The following PHACTR4 variants were observed in gnomAD, a reference collection of about 807,000 sequenced individuals.
PHACTR4 encodes phosphatase and actin regulator 4.
In PHACTR4, 51 loss-of-function variants were observed where a neutral mutation model predicts 72.7. The ratio of observed to expected loss-of-function variants is 0.70; its 90% CI spans 0.56 to 0.89. The LOEUF (loss-of-function observed/expected upper bound fraction) is 0.89, where lower values mean the gene tolerates loss of function less well. Ranked by LOEUF, PHACTR4 falls within the 40% of genes least tolerant of loss-of-function variation. The probability of loss-of-function intolerance (pLI) is 0.00; values close to 1 mark genes in which losing one functional copy is unlikely to be tolerated. For missense variants in PHACTR4, 731 were observed against 861.8 expected, an observed-to-expected ratio of 0.85 and a Z score of 1.90; for synonymous variants, 255 against 302.5, an observed-to-expected ratio of 0.84 and a Z score of 1.63.
At chr1:28,424,571 C>T (rs1034309413) in intron 2 of PHACTR4, among the ~76,000 whole-genome samples, 3 of 152,174 alleles carry the variant, frequency 2.0e-5, no homozygotes, top group African/African-American at 7.2e-5. Context: ...TCACTGCAAC[C>T]TCCGCCTCCT....
At chr1:28,409,000 A>G (rs975245344) in intron 2 of PHACTR4, among the ~76,000 whole-genome samples, 1 of 152,024 alleles carries the variant, frequency 6.6e-6, no homozygotes, top group Non-Finnish European at 1.5e-5. Context: ...AATTAAGTTT[A>G]GCCTGTGTAT....
In PHACTR4 at chr1:28,476,215, AGAG is replaced by A; in HGVS notation, c.1531_1533del (p.Glu511del). The stretch of plus-strand genomic sequence containing the variant: ...TACCACAGTGTCTACGGGAGGAAGA[AGAG>A]AAGGAGAGCGACTCTGATTCAGAAG... On this transcript the variant is annotated inframe_deletion, in exon 8 of 14. Transcript: ENST00000373839. 6.2e-7 allele frequency: 1 copy of A among 1,612,228 alleles called. No homozygotes were observed.
intron 2 of PHACTR4, among the ~76,000 whole-genome samples, chr1:28,451,272 G>A (rs1289824784): frequency 6.6e-6 from 1 of 151,886 alleles, no homozygotes; most frequent in Non-Finnish European, 1.5e-5. Flanking sequence ...GTTCTGTAAT[G>A]TATTCATCTG....
At chr1:28,425,839 A>G (rs919054504) in intron 2 of PHACTR4, among the ~76,000 whole-genome samples, 1 of 152,376 alleles carries the variant, frequency 6.6e-6, no homozygotes, top group Non-Finnish European at 1.5e-5. Context: ...GTCACTAGTC[A>G]TAGTCACATG....
At chr1:28,414,989 G>A (rs1166559417) in intron 2 of PHACTR4, among the ~76,000 whole-genome samples, 2 of 151,960 alleles carry the variant, frequency 1.3e-5, no homozygotes, top group Non-Finnish European at 1.5e-5. Flanking sequence ...GGCTGGGCGC[G>A]GTGGCTCACC....
At chr1:28,491,554 C>G (rs761024690) in intron 11 of PHACTR4, 96 bp from the exon 12 acceptor site, 83 of 1,516,012 alleles carry the variant, frequency 5.5e-5, no homozygotes, top group Non-Finnish European at 7.2e-5. Context: ...CCAGGTGATT[C>G]CAATGAAGAT....
rs187413953 is a variant in PHACTR4, at chr1:28,384,368, A to G, written c.-39+14543A>G. ...CGTTATTGGTCTGTTCAGGGATTCA[A>G]TTTCTTCCTGGTTCAGTCTTGGGAG... On this transcript the variant is annotated intron_variant, in intron 1 of 13. Coordinates refer to ENST00000373839, the MANE Select transcript of PHACTR4 (RefSeq NM_001048183.3). 2.0e-4 allele frequency among the ~76,000 whole-genome samples: 31 copies of G among 152,116 alleles called. 1 individual carries two copies. The highest frequency in any genetic ancestry group is 7.2e-4 in the African/African-American group (30 of 41,506).
At chr1:28,386,404 T>G (rs1385536429) in intron 1 of PHACTR4, among the ~76,000 whole-genome samples, 1 of 152,082 alleles carries the variant, frequency 6.6e-6, no homozygotes, top group Non-Finnish European at 1.5e-5. Flanking sequence ...AATTCTGTTG[T>G]TTTTGGATGG....
At chr1:28,411,978 G>C (rs1213630093) in intron 2 of PHACTR4, among the ~76,000 whole-genome samples, 1 of 152,108 alleles carries the variant, frequency 6.6e-6, no homozygotes, top group Non-Finnish European at 1.5e-5. Context: ...GGATTTTTAC[G>C]AATAAAGTAC....
At chr1:28,465,414 C>G (rs1031987898) in intron 4 of PHACTR4, among the ~76,000 whole-genome samples, 1 of 152,092 alleles carries the variant, frequency 6.6e-6, no homozygotes, top group South Asian at 2.1e-4. Flanking sequence ...GAGCCAAGAT[C>G]ATGCCACTGC....
At chr1:28,470,710 TTAAAAA>T (rs1659506578) in intron 6 of PHACTR4, among the ~76,000 whole-genome samples, 1 of 150,846 alleles carries the variant, frequency 6.6e-6, no homozygotes, top group South Asian at 2.1e-4. Context: ...TTAATTTAAT[TTAAAAA>T]TAAAAATAAA....
intron 1 of PHACTR4, among the ~76,000 whole-genome samples, chr1:28,398,059 CTG>C (rs1002344661): frequency 6.6e-6 from 1 of 152,072 alleles, no homozygotes; most frequent in Non-Finnish European, 1.5e-5. Flanking sequence ...GTACATGCTT[CTG>C]TGTTTCTTTC....
intron 1 of PHACTR4, among the ~76,000 whole-genome samples, chr1:28,380,048 T>C (rs1460326925): frequency 7.1e-6 from 1 of 140,468 alleles, no homozygotes; most frequent in Non-Finnish European, 1.6e-5. Context: ...TTTTTAAATG[T>C]AACTTTTTTT....
At chr1:28,374,574 T>C (rs970923794) in intron 1 of PHACTR4, among the ~76,000 whole-genome samples, 39 of 152,234 alleles carry the variant, frequency 2.6e-4, no homozygotes, top group African/African-American at 8.9e-4. Context: ...TGAAATCTTT[T>C]ATTATTGCAT....
At chr1:28,375,545 G>T (rs940006713) in intron 1 of PHACTR4, among the ~76,000 whole-genome samples, 13 of 151,888 alleles carry the variant, frequency 8.6e-5, no homozygotes, top group Admixed American at 5.3e-4. Context: ...AATCAGCCAG[G>T]CATGGTAGTG....
At chr1:28,453,936 C>G in intron 2 of PHACTR4, 1 of 693,160 alleles carries the variant, frequency 1.4e-6, no homozygotes, top group South Asian at 1.4e-5. Context: ...TGGAACACGG[C>G]CAGGCACGGT....
At chr1:28,478,438 A>AT (rs550231064) in intron 8 of PHACTR4, among the ~76,000 whole-genome samples, 7 of 147,776 alleles carry the variant, frequency 4.7e-5, no homozygotes, top group African/African-American at 9.9e-5. Context: ...TGGTAGTTCT[A>AT]TTTTTTTTTT....
intron 8 of PHACTR4, among the ~76,000 whole-genome samples, chr1:28,478,395 A>C (rs1480160043): frequency 1.3e-5 from 2 of 151,852 alleles, no homozygotes; most frequent in African/African-American, 4.8e-5. Flanking sequence ...TTTCTTTTGG[A>C]TATGTACCCA....
chr1:28,491,330 C>T (rs975140540), intron 11 of PHACTR4, among the ~76,000 whole-genome samples: 1 of 151,652 alleles, frequency 6.6e-6, no homozygotes, highest in Non-Finnish European at 1.5e-5. Flanking sequence ...TGGTGGTATG[C>T]GCCTGTAATA....
Sources: allele counts gnomAD v4.1 joint callset (sites outside exome capture counted in the v4.1 genomes callset), GRCh38; gene constraint gnomAD v4.1.1; transcripts MANE v1.5; gene names NCBI Gene and HGNC (gene_info 2026-07-23, HGNC 2026-07-21).